Variants in PDE4D observed in about 807,000 individuals in gnomAD.
PDE4D encodes the protein 3',5'-cyclic-AMP phosphodiesterase 4D.
Under a neutral mutation model 87.4 loss-of-function variants are expected in PDE4D, and 24 were observed. The observed-to-expected ratio is 0.27, with a 90% CI of 0.20 to 0.39. The LOEUF (loss-of-function observed/expected upper bound fraction) is 0.39, where lower values mean the gene tolerates loss of function less well. Among genes scored for constraint, PDE4D ranks in the 10% least tolerant of loss-of-function variants. The pLI, the probability that PDE4D is intolerant of heterozygous loss-of-function variation, is 1.00. For synonymous variants in PDE4D, 384 were observed against 383.2 expected, an observed-to-expected ratio of 1.00 and a Z score of -0.02; for missense variants, 714 against 1,041.0, an observed-to-expected ratio of 0.69 and a Z score of 4.32.
At chr5:59,207,591 T>C (rs1012999666) in intron 2 of PDE4D, among the ~76,000 whole-genome samples, 1 of 152,160 alleles carries the variant, frequency 6.6e-6, no homozygotes, top group Non-Finnish European at 1.5e-5. Context: ...AATAGGCTAA[T>C]CTTCCTTGAC....
At chr5:59,148,230 T>C (rs1581061093) in intron 5 of PDE4D, among the ~76,000 whole-genome samples, 1 of 152,326 alleles carries the variant, frequency 6.6e-6, no homozygotes, top group East Asian at 1.9e-4. Flanking sequence ...CTATACTGTA[T>C]AGGCTGTGTG....
At chr5:59,459,868 C>T (rs1800495581) in intron 1 of PDE4D, among the ~76,000 whole-genome samples, 1 of 152,138 alleles carries the variant, frequency 6.6e-6, no homozygotes, top group Admixed American at 6.6e-5. Context: ...TACATGGCAT[C>T]CCCTAGAGCA....
chr5:59,312,397 C>T (rs1772866633), intron 1 of PDE4D, among the ~76,000 whole-genome samples: 2 of 152,170 alleles, frequency 1.3e-5, no homozygotes, highest in African/African-American at 4.8e-5. Flanking sequence ...GGGGCTACAG[C>T]TGTTCCCCAG....
chr5:60,406,416 C>T (rs1045528324), intron 1 of PDE4D, among the ~76,000 whole-genome samples: 1 of 152,188 alleles, frequency 6.6e-6, no homozygotes, highest in South Asian at 2.1e-4. Context: ...CGATTTATAA[C>T]CGCCATAACT....
intron 5 of PDE4D, among the ~76,000 whole-genome samples, chr5:59,090,331 T>C (rs1403586477): frequency 6.6e-6 from 1 of 152,124 alleles, no homozygotes; most frequent in African/African-American, 2.4e-5. Flanking sequence ...TAGGCATTAG[T>C]GTAGGAGTCA....
At chr5:60,378,419 T>C (rs927617741) in intron 1 of PDE4D, among the ~76,000 whole-genome samples, 1 of 152,220 alleles carries the variant, frequency 6.6e-6, no homozygotes, top group Non-Finnish European at 1.5e-5. Flanking sequence ...ACCTTTGCCA[T>C]GTTTTTCAAC....
chr5:59,283,244 C>G (rs921846999), intron 1 of PDE4D, among the ~76,000 whole-genome samples: 1 of 152,068 alleles, frequency 6.6e-6, no homozygotes, highest in Non-Finnish European at 1.5e-5. Context: ...AGCTTTAAAA[C>G]TTAAAAATAT....
chr5:59,032,931 C>T (rs1301567655), intron 6 of PDE4D, among the ~76,000 whole-genome samples: 2 of 152,152 alleles, frequency 1.3e-5, no homozygotes, highest in Non-Finnish European at 2.9e-5. Flanking sequence ...AACAACAGAG[C>T]TGGAATTTGA....
chr5:60,477,521 C>T lies in PDE4D; in HGVS notation c.-90+10421G>A, dbSNP rs150110712. Among the ~76,000 whole-genome samples the T allele has an allele frequency of 5.2e-3, 789 of 152,180 alleles. 9 individuals carry two copies. Among genetic ancestry groups the T allele is most frequent in the African/African-American group, 0.018 (762 of 41,526 alleles). On this transcript the variant is annotated intron_variant, in intron 1 of 16. Transcript: ENST00000502484. ...AAAAGTTAAATTTCCAAAAGGGAGG[C>T]TGTTAAGATGGAGGAAAAAAGGTGA...
intron 1 of PDE4D, among the ~76,000 whole-genome samples, chr5:59,732,739 G>A (rs1442347588): frequency 6.6e-6 from 1 of 152,014 alleles, no homozygotes; most frequent in African/African-American, 2.4e-5. Flanking sequence ...GGAAAAATTG[G>A]AGCTAATTAA....
At chr5:59,703,529 T>A (rs1197106024) in intron 1 of PDE4D, 3 of 532,506 alleles carry the variant, frequency 5.6e-6, no homozygotes, top group Non-Finnish European at 1.2e-5. Context: ...AGCTTGTACT[T>A]GAGAAGGAAT....
At chr5:59,910,894 C>G (rs1043651425) in intron 3 of PDE4D, among the ~76,000 whole-genome samples, 1 of 152,284 alleles carries the variant, frequency 6.6e-6, no homozygotes, top group South Asian at 2.1e-4. Flanking sequence ...AGGAACTAGA[C>G]AGTGAACTAA....
intron 1 of PDE4D, among the ~76,000 whole-genome samples, chr5:60,286,875 C>T (rs879804270): frequency 1.4e-4 from 21 of 152,206 alleles, no homozygotes; most frequent in Middle Eastern, 3.4e-3. Context: ...TTTGTTTCCC[C>T]CTTAATGGAA....
At chr5:59,454,136 A>G (rs547220552) in intron 1 of PDE4D, among the ~76,000 whole-genome samples, 1 of 152,326 alleles carries the variant, frequency 6.6e-6, no homozygotes, top group African/African-American at 2.4e-5. Context: ...TTTTAAGCAC[A>G]CTGTTGAGAA....
At chr5:59,737,528 A>G (rs1758244617) in intron 1 of PDE4D, among the ~76,000 whole-genome samples, 2 of 152,242 alleles carry the variant, frequency 1.3e-5, no homozygotes, top group East Asian at 1.9e-4. Context: ...TAGCAATCTA[A>G]TAGGCCACGG....
intron 1 of PDE4D, among the ~76,000 whole-genome samples, chr5:59,640,656 C>A (rs1381187368): frequency 1.3e-5 from 2 of 152,186 alleles, no homozygotes; most frequent in African/African-American, 2.4e-5. Flanking sequence ...TTGGCAGCTT[C>A]TTCCAGTAGC....
chr5:60,460,966 G>C lies in PDE4D; in HGVS notation c.-90+26976C>G, dbSNP rs138226614. Reference sequence around the variant, plus strand: ...AAAATGGAAAAGCCATAGCTGTTTGGACCCCCCAAGGAAGCTAATCAACCC... The same window carrying C: ...AAAATGGAAAAGCCATAGCTGTTTGCACCCCCCAAGGAAGCTAATCAACCC... On this transcript the variant is annotated intron_variant, in intron 1 of 16. Coordinates refer to the PDE4D transcript ENST00000502484. 3.4e-3 allele frequency among the ~76,000 whole-genome samples: 509 copies of C among 151,630 alleles called. 1 individual carries two copies. The highest frequency in any genetic ancestry group is 0.012 in the African/African-American group (487 of 41,290).
intron 1 of PDE4D, among the ~76,000 whole-genome samples, chr5:59,728,181 A>G (rs1756878888): frequency 1.3e-5 from 2 of 152,106 alleles, no homozygotes; most frequent in East Asian, 1.9e-4. Flanking sequence ...CAGGTCACAC[A>G]GTTTGGAAGA....
intron 1 of PDE4D, among the ~76,000 whole-genome samples, chr5:59,427,380 T>G (rs1269170654): frequency 6.6e-6 from 1 of 152,040 alleles, no homozygotes; most frequent in East Asian, 1.9e-4. Context: ...TCTAATCATT[T>G]ATTTATTAAA....
Sources: allele counts gnomAD v4.1 joint callset (sites outside exome capture counted in the v4.1 genomes callset), GRCh38; gene constraint gnomAD v4.1.1; transcripts MANE v1.5; gene names NCBI Gene and HGNC (gene_info 2026-07-23, HGNC 2026-07-21).